The following RHEB variants were observed in gnomAD, a reference collection of about 807,000 sequenced individuals.
The protein encoded by RHEB is Ras homolog, mTORC1 binding.
In RHEB, 2 loss-of-function variants were observed where a neutral mutation model predicts 28.8. The observed-to-expected ratio is 0.07, with a 90% CI of 0.03 to 0.22. The LOEUF is 0.22. RHEB is among the 10% of genes least tolerant of loss of function. The pLI is 1.00. For synonymous variants in RHEB, 69 were observed against 77.3 expected (o/e 0.89, Z 0.56); for missense variants, 76 against 219.9 (o/e 0.35, Z 4.14).
intron 4 of RHEB, among the ~76,000 whole-genome samples, chr7:151,474,969 G>A (rs1802247276): frequency 6.6e-6 from 1 of 152,184 alleles, no homozygotes; most frequent in African/African-American, 2.4e-5. Flanking sequence ...TGAGATTTGA[G>A]AATGCTCATT....
At chr7:151,508,874 A>G (rs2150937784) in intron 1 of RHEB, among the ~76,000 whole-genome samples, 2 of 152,316 alleles carry the variant, frequency 1.3e-5, no homozygotes, top group South Asian at 4.1e-4. Flanking sequence ...AGCTCCCTAA[A>G]TTTGTGCTCC....
At chr7:151,506,599 T>C (rs912389362) in intron 1 of RHEB, among the ~76,000 whole-genome samples, 1 of 152,152 alleles carries the variant, frequency 6.6e-6, no homozygotes, top group Non-Finnish European at 1.5e-5. Flanking sequence ...ATAATCCGCT[T>C]AGGATAAAAA....
chr7:151,513,550 C>T (rs1010411491), intron 1 of RHEB, among the ~76,000 whole-genome samples: 11 of 152,168 alleles, frequency 7.2e-5, no homozygotes, highest in Admixed American at 3.3e-4. Flanking sequence ...ATCTGCGTAA[C>T]GATGAACAAA....
At chr7:151,517,708 A>G (rs1011551414) in intron 1 of RHEB, among the ~76,000 whole-genome samples, 10 of 151,368 alleles carry the variant, frequency 6.6e-5, no homozygotes, top group Admixed American at 2.0e-4. Flanking sequence ...AAAAAAAAAA[A>G]GTGATAAAAC....
intron 3 of RHEB, among the ~76,000 whole-genome samples, chr7:151,480,582 G>A (rs955684399): frequency 9.2e-5 from 14 of 151,950 alleles, no homozygotes; most frequent in South Asian, 2.1e-4. Context: ...TGTACCATGC[G>A]CATTACACCT....
At chr7:151,514,728 C>A (rs773158092) in intron 1 of RHEB, among the ~76,000 whole-genome samples, 1 of 152,090 alleles carries the variant, frequency 6.6e-6, no homozygotes, top group Non-Finnish European at 1.5e-5. Context: ...ATGTTCAAAA[C>A]ATTATTATTC....
At chr7:151,473,212 C>T (rs1802195440) in intron 4 of RHEB, among the ~76,000 whole-genome samples, 1 of 152,194 alleles carries the variant, frequency 6.6e-6, no homozygotes, top group African/African-American at 2.4e-5. Context: ...AATTCCCTGG[C>T]TCTCTTGTGC....
At position 151,468,271 on chromosome 7, in the gene RHEB, AT is replaced by A. The variant is rs1802099826; in HGVS notation, c.463-1061del. 6.6e-6 allele frequency among the ~76,000 whole-genome samples: 1 copy of A among 152,192 alleles called. No homozygotes were observed. The highest frequency in any genetic ancestry group is 1.5e-5 in the Non-Finnish European group (1 of 68,024). The stretch of plus-strand genomic sequence containing the variant: ...ACAAGGGGCCTGATTTGTTGACCCT[AT>A]TATTACATCTCCCCTGTCCCTTAAC... On this transcript the variant is annotated intron_variant, in intron 7 of 7. Transcript: ENST00000262187. The surrounding 1 kb of genome is among the most constrained non-coding windows in gnomAD (Gnocchi z 4.3).
chr7:151,515,616 C>T (rs1456571027), intron 1 of RHEB, among the ~76,000 whole-genome samples: 1 of 152,198 alleles, frequency 6.6e-6, no homozygotes, highest in Non-Finnish European at 1.5e-5. Flanking sequence ...ATTTCACATA[C>T]TGGTAGATGT....
rs1802798645 is a variant in RHEB, at chr7:151,502,933, T to C, written c.53-11919A>G. On this transcript the variant is annotated intron_variant, in intron 1 of 7. Coordinates refer to ENST00000262187, the MANE Select transcript of RHEB (RefSeq NM_005614.4). ...TAAAATTAGTTGATATATCCTATGG[T>C]GGTGAAAATGGATTCAATCAAGCTA... is the stretch of plus-strand genomic sequence containing the variant. The C allele has an allele frequency of 5.1e-6, 4 of 788,694 alleles. No homozygotes were observed. The South Asian group carries it at 5.4e-5, about 11-fold the overall frequency. 48.9% of individuals were successfully genotyped at this position (788,694 alleles called of 1,614,324 possible).
intron 1 of RHEB, among the ~76,000 whole-genome samples, chr7:151,493,550 C>T (rs1047652702): frequency 2.6e-5 from 4 of 152,112 alleles, no homozygotes; most frequent in African/African-American, 7.2e-5. Context: ...AACAAATGAA[C>T]GAAATTAAAG....
intron 1 of RHEB, among the ~76,000 whole-genome samples, chr7:151,504,403 G>A (rs1279554106): frequency 2.0e-5 from 3 of 152,300 alleles, no homozygotes; most frequent in East Asian, 3.9e-4. Context: ...AGCAAAATCC[G>A]AGTGTGATGA....
chr7:151,518,230 G>C (rs182273926), intron 1 of RHEB, among the ~76,000 whole-genome samples: 33 of 152,288 alleles, frequency 2.2e-4, no homozygotes, highest in East Asian at 1.5e-3. Flanking sequence ...GCTCTCGACG[G>C]AGAGGTGGTA....
intron 2 of RHEB, among the ~76,000 whole-genome samples, chr7:151,486,386 AT>A (rs1313244277): frequency 1.3e-5 from 2 of 152,170 alleles, no homozygotes; most frequent in Non-Finnish European, 2.9e-5. Flanking sequence ...GGTGCTTGGG[AT>A]GCTGTAGTCT....
At chr7:151,492,632 GA>G (rs1802604781) in intron 1 of RHEB, among the ~76,000 whole-genome samples, 1 of 148,842 alleles carries the variant, frequency 6.7e-6, no homozygotes, top group Non-Finnish European at 1.5e-5. Context: ...AAAAAAAAAA[GA>G]AAAAAAGTAG....
chr7:151,515,530 A>G lies in RHEB; in HGVS notation c.52+3930T>C, dbSNP rs888482415. Among the ~76,000 whole-genome samples the G allele has an allele frequency of 3.3e-5, 5 of 152,358 alleles. No individual in the cohort carries two copies. The South Asian group carries it at 6.2e-4, about 19-fold the overall frequency. On this transcript the variant is annotated intron_variant, in intron 1 of 7. Transcript: ENST00000262187. The stretch of plus-strand genomic sequence containing the variant: ...CTGAAAAACAGTAATTTCAAGTTTC[A>G]ATACAAAGTGGGCACTTCAGGACTA...
chr7:151,501,672 T>A (rs916781135), intron 1 of RHEB, among the ~76,000 whole-genome samples: 2 of 152,244 alleles, frequency 1.3e-5, no homozygotes, highest in Non-Finnish European at 2.9e-5. Context: ...TTACTCATAA[T>A]TGCCCCAAAG....
intron 4 of RHEB, among the ~76,000 whole-genome samples, chr7:151,473,946 A>C (rs910256211): frequency 1.3e-5 from 2 of 152,254 alleles, no homozygotes; most frequent in African/African-American, 2.4e-5. Flanking sequence ...CAATCTAAAT[A>C]GTTGAGGTGT....
chr7:151,507,598 T>G lies in RHEB; in HGVS notation c.52+11862A>C, dbSNP rs145134473. On this transcript the variant is annotated intron_variant, in intron 1 of 7. Transcript: ENST00000262187. ...AACATTCTCACATGAATTATCTCGC[T>G]TGTTCCTGTGAGCTAAGCAGGGTTG... 5.4e-3 allele frequency among the ~76,000 whole-genome samples: 815 copies of G among 152,298 alleles called. 6 individuals are homozygous for G. Among genetic ancestry groups the G allele is most frequent in the African/African-American group, 0.018 (754 of 41,546 alleles).
Sources: allele counts gnomAD v4.1 joint callset (sites outside exome capture counted in the v4.1 genomes callset), GRCh38; gene constraint gnomAD v4.1.1; non-coding constraint Gnocchi (gnomAD v3.1); transcripts MANE v1.5; gene names NCBI Gene and HGNC (gene_info 2026-07-23, HGNC 2026-07-21).